Variants in P2RX3 observed in about 807,000 individuals in gnomAD.
The protein encoded by P2RX3 is P2X purinoceptor 3.
A neutral mutation model predicts 51.5 loss-of-function variants in P2RX3; 41 were observed. That is an observed-to-expected ratio of 0.80 (90% confidence interval 0.62 to 1.03). P2RX3 has a LOEUF of 1.03. Among genes scored for constraint, P2RX3 ranks in the 50% least tolerant of loss-of-function variants. The pLI is 0.00. For synonymous variants in P2RX3, 185 were observed against 191.6 expected, an observed-to-expected ratio of 0.97 and a Z score of 0.29; for missense variants, 459 against 522.1, an observed-to-expected ratio of 0.88 and a Z score of 1.18.
intron 8 of P2RX3, among the ~76,000 whole-genome samples, chr11:57,366,296 G>A (rs914834099): frequency 6.6e-6 from 1 of 152,182 alleles, no homozygotes; most frequent in Non-Finnish European, 1.5e-5. Context: ...CGAAACCACA[G>A]GCAAATCTCC....
At position 57,353,186 on chromosome 11, in the gene P2RX3, G is replaced by A. The variant is rs116190926; in HGVS notation, c.842+2288G>A. Among the ~76,000 whole-genome samples the A allele has an allele frequency of 4.0e-3, 606 of 152,320 alleles. 3 individuals carry two copies. The highest frequency in any genetic ancestry group is 0.014 in the African/African-American group (577 of 41,566). On this transcript the variant is annotated intron_variant, in intron 8 of 11. Transcript: ENST00000263314. ...AGGGTCACAAAGCCAGGTTCAGTGCGGGTCACAGTGCACTTTCTATGATAT... is the reference window on the plus strand; with the variant it reads ...AGGGTCACAAAGCCAGGTTCAGTGCAGGTCACAGTGCACTTTCTATGATAT...
intron 7 of P2RX3, 90 bp from the exon 8 acceptor site, chr11:57,350,672 T>A: frequency 6.5e-7 from 1 of 1,540,256 alleles, no homozygotes; most frequent in South Asian, 1.2e-5. Flanking sequence ...GAGGAAATCA[T>A]TTGTCACCAC....
At chr11:57,361,356 G>C (rs951512284) in intron 8 of P2RX3, among the ~76,000 whole-genome samples, 1 of 151,854 alleles carries the variant, frequency 6.6e-6, no homozygotes, top group Admixed American at 6.6e-5. Flanking sequence ...GTAGGTAAAC[G>C]TGTGCCGTGG....
intron 1 of P2RX3, 44 bp downstream of exon 1, chr11:57,338,713 G>C (rs763116475): frequency 7.2e-6 from 10 of 1,379,716 alleles, no homozygotes; most frequent in Admixed American, 1.7e-5. Flanking sequence ...TGGGCTGCCT[G>C]GTATCCCGTC....
Position 57,370,050 on chromosome 11 carries a change from G to A in P2RX3, c.*53G>A, listed in dbSNP as rs2134454536. On this transcript the variant is annotated 3_prime_UTR_variant, in exon 12 of 12. Transcript: ENST00000263314. ...AAAGGCTCCAGGCCTCCCCACAGAG[G>A]ACCCTGCCTGAGCAAGGGGCATGGG... The A allele has an allele frequency of 1.6e-6, 2 of 1,257,130 alleles. No individual in the cohort carries two copies. The highest frequency in any genetic ancestry group is 5.1e-5 in the East Asian group (2 of 39,470). The allele number at this position is 1,257,130 out of a possible 1,614,324, so 77.9% of individuals were successfully genotyped here.
At chr11:57,359,447 G>T (rs1024661978) in intron 8 of P2RX3, among the ~76,000 whole-genome samples, 2 of 152,204 alleles carry the variant, frequency 1.3e-5, no homozygotes, top group African/African-American at 4.8e-5. Flanking sequence ...TGCCCTTCAA[G>T]TGTCTGGGCT....
intron 11 of P2RX3, 152 bp from the exon 12 acceptor site, chr11:57,369,732 G>A (rs1856852655): frequency 3.0e-6 from 2 of 665,346 alleles, no homozygotes; most frequent in Admixed American, 4.9e-5. Context: ...TTGCCCTCGG[G>A]GTACATGGGA....
chr11:57,351,989 C>T (rs1238112188), intron 8 of P2RX3, among the ~76,000 whole-genome samples: 2 of 152,076 alleles, frequency 1.3e-5, no homozygotes, highest in African/African-American at 4.8e-5. Context: ...CAGCATTATA[C>T]ACTAAACAGC....
chr11:57,356,215 A>ACGTC, intron 8 of P2RX3, among the ~76,000 whole-genome samples: 1 of 152,242 alleles, frequency 6.6e-6, no homozygotes, highest in Non-Finnish European at 1.5e-5. Flanking sequence ...GCACATCAGG[A>ACGTC]CTCAAACCCA....
Position 57,371,961 on chromosome 11 carries a change from C to T in P2RX3, c.*1964C>T, listed in dbSNP as rs917575512. Among the ~76,000 whole-genome samples the T allele has an allele frequency of 1.3e-4, 20 of 151,966 alleles. 1 individual carries two copies. The highest frequency in any genetic ancestry group is 2.8e-4 in the Non-Finnish European group (19 of 67,994). On this transcript the variant is annotated 3_prime_UTR_variant, in exon 12 of 12. Coordinates refer to ENST00000263314, the MANE Select transcript of P2RX3 (RefSeq NM_002559.5). ...GTAGGTGCCTCCGCCCCTCTGGAGC[C>T]GGCCAGCAAGTGTGTGTGAGCCTGA...
At chr11:57,349,613 AAG>A in intron 6 of P2RX3, 142 bp from the exon 7 acceptor site, 2 of 935,282 alleles carry the variant, frequency 2.1e-6, no homozygotes, top group Admixed American at 2.5e-5. Context: ...AGGGAAAGGA[AAG>A]AGGGGAGGGA....
chr11:57,348,122 A>C lies in P2RX3; in HGVS notation c.392-48A>C, dbSNP rs566113360. The C allele has an allele frequency of 9.5e-6, 14 of 1,475,512 alleles. 1 individual carries two copies. The South Asian group carries it at 1.8e-4, about 19-fold the overall frequency. 91.4% of individuals were successfully genotyped at this position (1,475,512 alleles called of 1,614,324 possible). A position where few individuals can be genotyped will look rare whatever the true frequency, so the allele number is the denominator to read the frequency against. On this transcript the variant is annotated intron_variant, in intron 4 of 11. Transcript: ENST00000263314. Reference sequence around the variant, plus strand: ...GGGAAGAGGGAGGAAGGAAAGGGAGAGGAGCAAAGGGCAGGCAGCCACCCA... The same window carrying C: ...GGGAAGAGGGAGGAAGGAAAGGGAGCGGAGCAAAGGGCAGGCAGCCACCCA...
intron 6 of P2RX3, among the ~76,000 whole-genome samples, chr11:57,349,037 T>G (rs1172638882): frequency 1.3e-5 from 2 of 152,208 alleles, no homozygotes; most frequent in Non-Finnish European, 2.9e-5. Flanking sequence ...GTCCCATTCT[T>G]TTTCCCCACA....
chr11:57,367,463 A>G (rs1318517849), intron 8 of P2RX3, among the ~76,000 whole-genome samples: 3 of 152,182 alleles, frequency 2.0e-5, no homozygotes, highest in African/African-American at 7.2e-5. Flanking sequence ...GCTCACCCCT[A>G]TAATCCCAGC....
At chr11:57,357,847 T>C (rs988878312) in intron 8 of P2RX3, among the ~76,000 whole-genome samples, 5 of 152,164 alleles carry the variant, frequency 3.3e-5, no homozygotes, top group African/African-American at 1.2e-4. Flanking sequence ...ACTGTAAAAG[T>C]GTATTTCAGC....
intron 1 of P2RX3, among the ~76,000 whole-genome samples, chr11:57,343,568 T>C (rs1460984872): frequency 1.3e-5 from 2 of 152,176 alleles, no homozygotes; most frequent in Non-Finnish European, 1.5e-5. Context: ...ATGAAGGTAA[T>C]AACGAAGCTG....
intron 8 of P2RX3, among the ~76,000 whole-genome samples, chr11:57,362,462 G>A (rs1367823160): frequency 6.6e-6 from 1 of 152,200 alleles, no homozygotes; most frequent in Non-Finnish European, 1.5e-5. Flanking sequence ...TTTTAGATGA[G>A]GAGGCTACAG....
intron 1 of P2RX3, among the ~76,000 whole-genome samples, chr11:57,344,680 C>T (rs1856400833): frequency 6.6e-6 from 1 of 152,118 alleles, no homozygotes; most frequent in South Asian, 2.1e-4. Flanking sequence ...AACAGAGTGA[C>T]ACTCTGTCTC....
chr11:57,371,239 C>T lies in P2RX3; in HGVS notation c.*1242C>T, dbSNP rs1244548238. On this transcript the variant is annotated 3_prime_UTR_variant, in exon 12 of 12. Transcript: ENST00000263314. ...CTGTCCTCTCCTACAGTGAGAGGCC[C>T]AGAAATTGCCCCAGGGCAGGGCTCT... 6.6e-6 allele frequency among the ~76,000 whole-genome samples: 1 copy of T among 152,208 alleles called. No homozygotes were observed. Among genetic ancestry groups the T allele is most frequent in the Non-Finnish European group, 1.5e-5 (1 of 68,030 alleles).
Sources: gnomAD v4.1 joint callset for allele counts (sites outside exome capture counted in the v4.1 genomes callset) on GRCh38, gnomAD v4.1.1 for gene constraint, MANE v1.5 for transcripts, NCBI Gene and HGNC (gene_info 2026-07-23, HGNC 2026-07-21) for gene names.